Variants in PATJ observed in about 807,000 individuals in gnomAD.
The protein encoded by PATJ is inaD-like protein.
A neutral mutation model predicts 224.9 loss-of-function variants in PATJ; 190 were observed. The observed-to-expected ratio is 0.84, with a 90% confidence interval of 0.75 to 0.95. PATJ has a LOEUF of 0.95. PATJ is among the 40% of genes least tolerant of loss of function. The pLI, the probability that PATJ is intolerant of heterozygous loss-of-function variation, is 0.00. For synonymous variants in PATJ, 769 were observed against 820.3 expected (o/e 0.94, Z 1.07); for missense variants, 2,121 against 2,270.3 (o/e 0.93, Z 1.34).
intron 27 of PATJ, among the ~76,000 whole-genome samples, chr1:61,987,406 T>TA (rs141945212): frequency 0.12 from 18,265 of 151,606 alleles, 1,319 homozygotes; most frequent in Non-Finnish European, 0.16. Flanking sequence ...TCTTTTTTTT[T>TA]AAAAAAAAGA....
At chr1:62,030,207 T>C (rs1648947413) in intron 29 of PATJ, among the ~76,000 whole-genome samples, 1 of 152,322 alleles carries the variant, frequency 6.6e-6, no homozygotes, top group Middle Eastern at 3.4e-3. Context: ...AATGAATTAA[T>C]AGCAACCGAG....
At chr1:62,012,767 C>T (rs777334193) in intron 28 of PATJ, among the ~76,000 whole-genome samples, 1 of 151,626 alleles carries the variant, frequency 6.6e-6, no homozygotes, top group Non-Finnish European at 1.5e-5. Context: ...CTCCTAAAAG[C>T]GAATGGCTGC....
intron 8 of PATJ, among the ~76,000 whole-genome samples, chr1:61,790,969 G>A (rs1649732051): frequency 6.6e-6 from 1 of 152,076 alleles, no homozygotes; most frequent in Non-Finnish European, 1.5e-5. Context: ...TTTATTTGTC[G>A]GCTGCCAGCC....
At chr1:62,026,188 G>C (rs1341095505) in intron 29 of PATJ, among the ~76,000 whole-genome samples, 1 of 152,162 alleles carries the variant, frequency 6.6e-6, no homozygotes, top group Non-Finnish European at 1.5e-5. Flanking sequence ...TGTTTACTCT[G>C]TTCATATAGT....
chr1:61,989,757 A>C (rs964926622), intron 27 of PATJ, among the ~76,000 whole-genome samples: 1 of 152,180 alleles, frequency 6.6e-6, no homozygotes, highest in Non-Finnish European at 1.5e-5. Flanking sequence ...GGCCAGTGTG[A>C]ACCTGAACAA....
intron 39 of PATJ, among the ~76,000 whole-genome samples, chr1:62,125,751 C>T (rs963025515): frequency 6.6e-5 from 10 of 152,020 alleles, no homozygotes; most frequent in Non-Finnish European, 1.2e-4. Context: ...TTCTACCACA[C>T]GTGATCCAAG....
rs528696138 is a variant in PATJ at position 61,848,179 on chromosome 1, G to A, written c.2113-7851G>A. 4.2e-3 allele frequency among the ~76,000 whole-genome samples: 646 copies of A among 152,162 alleles called. 7 individuals carry two copies. The highest frequency in any genetic ancestry group is 0.014 in the African/African-American group (601 of 41,512). The stretch of plus-strand genomic sequence containing the variant: ...CATGTATCCAACTTTTTCATTTTAT[G>A]TTTGTGAGGAAACTGACTCAGAGAA... On this transcript the variant is annotated intron_variant, in intron 17 of 43. Transcript: ENST00000642238.
chr1:61,876,093 T>C (rs1667296674), intron 21 of PATJ, among the ~76,000 whole-genome samples: 1 of 152,172 alleles, frequency 6.6e-6, no homozygotes, highest in South Asian at 2.1e-4. Context: ...TGTATAGTAA[T>C]ATGTTGTAAG....
chr1:61,746,285 C>T (rs1645023198), intron 1 of PATJ, among the ~76,000 whole-genome samples: 1 of 152,046 alleles, frequency 6.6e-6, no homozygotes, highest in Non-Finnish European at 1.5e-5. Flanking sequence ...CGTTATATTG[C>T]TCAGGCTGGT....
intron 20 of PATJ, among the ~76,000 whole-genome samples, chr1:61,873,291 C>T (rs1666892452): frequency 6.6e-6 from 1 of 152,122 alleles, no homozygotes. Context: ...CCTCAGCCTC[C>T]TGAGTAGCTG....
chr1:61,859,273 G>A (rs543114245), intron 18 of PATJ, among the ~76,000 whole-genome samples: 20 of 152,288 alleles, frequency 1.3e-4, no homozygotes, highest in Admixed American at 1.3e-3. Context: ...GGACCTTGGA[G>A]CATTACTCTG....
intron 26 of PATJ, among the ~76,000 whole-genome samples, chr1:61,917,346 G>A (rs1160308319): frequency 1.3e-5 from 2 of 152,250 alleles, no homozygotes; most frequent in South Asian, 2.1e-4. Flanking sequence ...TTTTTGCAAA[G>A]GTGGCTTCAA....
chr1:61,805,662 G>T, intron 13 of PATJ, 138 bp downstream of exon 13: 3 of 591,604 alleles, frequency 5.1e-6, no homozygotes, highest in South Asian at 4.5e-5. Context: ...CTTCCCTAGT[G>T]GATCAATCGA....
At chr1:61,891,802 C>G (rs774641040) in intron 22 of PATJ, among the ~76,000 whole-genome samples, 2 of 152,082 alleles carry the variant, frequency 1.3e-5, no homozygotes, top group African/African-American at 2.4e-5. Context: ...TAAGGTACAG[C>G]CTACTAAGAT....
intron 21 of PATJ, among the ~76,000 whole-genome samples, chr1:61,880,513 GAACT>G (rs1667946699): frequency 6.6e-6 from 1 of 152,160 alleles, no homozygotes; most frequent in African/African-American, 2.4e-5. Context: ...AGGTGCATTA[GAACT>G]TTTTTTCTTT....
chr1:61,798,842 CCA>C (rs888424478), intron 11 of PATJ, among the ~76,000 whole-genome samples: 3 of 151,800 alleles, frequency 2.0e-5, no homozygotes, highest in Non-Finnish European at 4.4e-5. Flanking sequence ...AGTGAGCATG[CCA>C]CTGCCTGCCG....
At chr1:61,903,371 C>G (rs1406789205) in intron 24 of PATJ, among the ~76,000 whole-genome samples, 3 of 152,130 alleles carry the variant, frequency 2.0e-5, no homozygotes, top group African/African-American at 7.2e-5. Context: ...CTTGAGGAAT[C>G]GAAGATGGAA....
At chr1:62,084,230 G>C (rs1448691234) in intron 32 of PATJ, among the ~76,000 whole-genome samples, 1 of 152,070 alleles carries the variant, frequency 6.6e-6, no homozygotes, top group African/African-American at 2.4e-5. Flanking sequence ...TTCCAGCCTG[G>C]GCGACAGAGT....
At chr1:61,947,711 CTACTT>C (rs1487702443) in intron 27 of PATJ, among the ~76,000 whole-genome samples, 1 of 152,154 alleles carries the variant, frequency 6.6e-6, no homozygotes, top group Non-Finnish European at 1.5e-5. Context: ...TTGGAAAAAA[CTACTT>C]TAAAGTTCAT....
Sources: allele counts gnomAD v4.1 joint callset (sites outside exome capture counted in the v4.1 genomes callset), GRCh38; gene constraint gnomAD v4.1.1; transcripts MANE v1.5; gene names NCBI Gene and HGNC (gene_info 2026-07-23, HGNC 2026-07-21).